The following RANBP2 variants were observed in gnomAD, a reference collection of about 807,000 sequenced individuals.
RANBP2 encodes the protein E3 SUMO-protein ligase RanBP2.
A neutral mutation model predicts 303.6 loss-of-function variants in RANBP2; 57 were observed. That is an observed-to-expected ratio of 0.19 (90% CI 0.15 to 0.23). The LOEUF (loss-of-function observed/expected upper bound fraction) is 0.23, where lower values mean the gene tolerates loss of function less well. Ranked by LOEUF, RANBP2 falls within the 10% of genes least tolerant of loss-of-function variation. The pLI is 1.00. For synonymous variants in RANBP2, 1,167 were observed against 1,301.5 expected (o/e 0.90, Z 2.23); for missense variants, 3,138 against 3,780.8 (o/e 0.83, Z 4.46).
At chr2:109,706,647 GA>G in the RANBP2 span, among the ~76,000 whole-genome samples, 1 of 152,156 alleles carries the variant, frequency 6.6e-6, no homozygotes, top group Non-Finnish European at 1.5e-5. Flanking sequence ...TTTGACTTAT[GA>G]AGACAAAGGT....
At chr2:109,767,403 A>G in the RANBP2 span, among the ~76,000 whole-genome samples, 2 of 142,352 alleles carry the variant, frequency 1.4e-5, no homozygotes, top group Non-Finnish European at 3.0e-5. Context: ...TCTATTAACC[A>G]TTACATAATC....
At position 108,781,327 on chromosome 2, in the gene RANBP2, A is replaced by C; in HGVS notation, c.8658A>C (p.Gly2886=). 1 of 1,614,206 alleles carries C rather than the reference A, an allele frequency of 6.2e-7. No individual in the cohort carries two copies. Among genetic ancestry groups the C allele is most frequent in the Non-Finnish European group, 8.5e-7 (1 of 1,180,032 alleles). ...CTGTGTTTGGAACACAGTCAGTCGG[A>C]ACCCAGTCAGCCGGTAAAGTTGGTG... ...GAAVFGTQSV[G]TQSAGKVGED... is the part of the protein sequence containing the mutation. Residue 2886 remains glycine (G), a synonymous_variant, in exon 26 of 29, where the codon GGA becomes GGC. Transcript: ENST00000283195.
At chr2:109,607,246 T>C in the RANBP2 span, among the ~76,000 whole-genome samples, 9,826 of 152,254 alleles carry the variant, frequency 0.065, 753 homozygotes, top group East Asian at 0.24. Context: ...ACAGTCTCCA[T>C]AGAAACAATA....
chr2:109,602,914 A>C, the RANBP2 span, among the ~76,000 whole-genome samples: 2 of 151,160 alleles, frequency 1.3e-5, no homozygotes, highest in Non-Finnish European at 3.0e-5. Flanking sequence ...AAAAAAAAAA[A>C]AAAAAAATTA....
At chr2:109,360,518 T>A in the RANBP2 span, among the ~76,000 whole-genome samples, 2 of 152,184 alleles carry the variant, frequency 1.3e-5, no homozygotes, top group Non-Finnish European at 2.9e-5. Flanking sequence ...TAGACTGGGG[T>A]CCCATACCCA....
chr2:109,636,843 G>A, the RANBP2 span, among the ~76,000 whole-genome samples: 312 of 152,190 alleles, frequency 2.1e-3, 2 homozygotes, highest in South Asian at 0.022. Flanking sequence ...GAGGCTGAAG[G>A]GGTGGCCTGC....
intron 12 of RANBP2, 111 bp from the exon 13 acceptor site, chr2:108,752,887 A>G (rs1676014092): frequency 6.3e-7 from 1 of 1,595,538 alleles, no homozygotes; most frequent in Non-Finnish European, 8.6e-7. Context: ...CTATTGAGAT[A>G]CCATTTGGTT....
chr2:108,864,352 A>G, the RANBP2 span, among the ~76,000 whole-genome samples: 1 of 152,204 alleles, frequency 6.6e-6, no homozygotes, highest in African/African-American at 2.4e-5. Context: ...ACAAAATTGT[A>G]TTTATTGTTT....
chr2:109,727,448 C>T, the RANBP2 span, among the ~76,000 whole-genome samples: 2 of 152,212 alleles, frequency 1.3e-5, no homozygotes, highest in African/African-American at 4.8e-5. Flanking sequence ...AGCTGGGACT[C>T]CAAGCCGAGT....
At chr2:109,191,414 T>C in the RANBP2 span, among the ~76,000 whole-genome samples, 1 of 152,152 alleles carries the variant, frequency 6.6e-6, no homozygotes, top group African/African-American at 2.4e-5. Flanking sequence ...TGAATACTAT[T>C]TAGAAGAAAG....
chr2:109,035,453 G>A, the RANBP2 span, among the ~76,000 whole-genome samples: 2 of 152,186 alleles, frequency 1.3e-5, no homozygotes, highest in African/African-American at 2.4e-5. Flanking sequence ...AAGAATGACA[G>A]GTGTGAGTCC....
chr2:108,740,407 T>A (rs1558886992), intron 6 of RANBP2, 82 bp from the exon 7 acceptor site: 4 of 1,581,676 alleles, frequency 2.5e-6, no homozygotes, highest in Non-Finnish European at 8.6e-7. Context: ...ATAAAATTTT[T>A]ATTTTGTTTT....
the RANBP2 span, among the ~76,000 whole-genome samples, chr2:109,356,980 T>C: frequency 2.6e-5 from 4 of 152,132 alleles, no homozygotes; most frequent in East Asian, 5.8e-4. Context: ...AGATGTCCTG[T>C]AGAGACATGC....
the RANBP2 span, among the ~76,000 whole-genome samples, chr2:109,486,816 C>T: frequency 1.3e-5 from 2 of 152,164 alleles, no homozygotes; most frequent in Non-Finnish European, 2.9e-5. Context: ...GCGACAGCAG[C>T]CCATCACTTC....
Position 108,785,580 on chromosome 2 carries a change from A to G in RANBP2, c.*1679A>G, listed in dbSNP as rs1219806549. ...TTGACCAAAAATTTGACAAAATGAC[A>G]TGTAAACTGACTTTTCCCGTATTAG... is the stretch of plus-strand genomic sequence containing the variant. On this transcript the variant is annotated 3_prime_UTR_variant, in exon 29 of 29. Coordinates refer to ENST00000283195, the MANE Select transcript of RANBP2 (RefSeq NM_006267.5). 6.6e-6 allele frequency: 1 copy of G among 152,260 alleles called. No homozygotes were observed. The highest frequency in any genetic ancestry group is 1.5e-5 in the Non-Finnish European group (1 of 68,050). The allele number at this position is 152,260 out of a possible 1,614,324, so 9.4% of individuals were successfully genotyped here. A position where few individuals can be genotyped will look rare whatever the true frequency, so the allele number is the denominator to read the frequency against.
the RANBP2 span, among the ~76,000 whole-genome samples, chr2:109,693,968 A>T: frequency 6.6e-6 from 1 of 152,200 alleles, no homozygotes. Context: ...AAAAAATGTA[A>T]TAGCTGCAAA....
the RANBP2 span, among the ~76,000 whole-genome samples, chr2:109,152,153 T>C: frequency 1.2e-4 from 19 of 152,258 alleles, no homozygotes; most frequent in Middle Eastern, 3.2e-3. Flanking sequence ...TGTCTGGAAT[T>C]ACATTTCTTC....
chr2:109,307,394 G>A, the RANBP2 span, among the ~76,000 whole-genome samples: 1 of 152,076 alleles, frequency 6.6e-6, no homozygotes, highest in East Asian at 1.9e-4. Flanking sequence ...CATGCTCTGG[G>A]CGGAAGCTTG....
chr2:109,040,398 C>G, the RANBP2 span, among the ~76,000 whole-genome samples: 1 of 152,158 alleles, frequency 6.6e-6, no homozygotes, highest in Non-Finnish European at 1.5e-5. Flanking sequence ...ACTCTCCCAC[C>G]TTGTTCATTT....
Sources: allele counts gnomAD v4.1 joint callset (sites outside exome capture counted in the v4.1 genomes callset), GRCh38; gene constraint gnomAD v4.1.1; transcripts MANE v1.5; gene names NCBI Gene and HGNC (gene_info 2026-07-23, HGNC 2026-07-21).